EML4: variants seen among roughly 807,000 people sequenced by gnomAD.
EML4 encodes EMAP like 4.
EML4 carries 72 observed loss-of-function variants against 129.0 expected under a neutral mutation model. That is an observed-to-expected ratio of 0.56 (90% CI 0.46 to 0.68). The LOEUF is 0.68. Ranked by LOEUF, EML4 falls within the 30% of genes least tolerant of loss-of-function variation. The pLI, the probability that EML4 is intolerant of heterozygous loss-of-function variation, is 0.00. For synonymous variants in EML4, 532 were observed against 405.0 expected (o/e 1.31, Z -3.77); for missense variants, 1,363 against 1,190.6 (o/e 1.14, Z -2.13).
chr2:42,282,769 G>T (rs1393362911), intron 7 of EML4, 54 bp from the exon 8 acceptor site: 11 of 1,507,626 alleles, frequency 7.3e-6, no homozygotes, highest in East Asian at 4.5e-5. Context: ...TGAAAAATCT[G>T]TTAACAACTT....
At chr2:42,266,439 G>C (rs906001236) in intron 6 of EML4, among the ~76,000 whole-genome samples, 2 of 152,086 alleles carry the variant, frequency 1.3e-5, no homozygotes, top group Non-Finnish European at 2.9e-5. Context: ...TGGCCTCCTG[G>C]GCTCAAGCAG....
intron 3 of EML4, among the ~76,000 whole-genome samples, chr2:42,258,386 T>A (rs1179698903): frequency 7.4e-6 from 1 of 135,346 alleles, no homozygotes; most frequent in Non-Finnish European, 1.6e-5. Context: ...TTTTTTTATT[T>A]ATTTTTTAAG....
At position 42,178,087 on chromosome 2, in the gene EML4, C is replaced by T. The variant is rs559268242; in HGVS notation, c.25+8451C>T. ...TATGTCTTTGACAAGTTTTTAGAAT[C>T]TGAATATAATTAGAATATGTTTAAC... On this transcript the variant is annotated intron_variant, in intron 1 of 22. Coordinates refer to ENST00000318522, the MANE Select transcript of EML4 (RefSeq NM_019063.5). 2.6e-5 allele frequency among the ~76,000 whole-genome samples: 4 copies of T among 152,182 alleles called. No homozygotes were observed. In the South Asian group the frequency reaches 8.3e-4, roughly 32 times the overall value.
At chr2:42,174,945 T>C (rs185516170) in intron 1 of EML4, among the ~76,000 whole-genome samples, 71 of 150,462 alleles carry the variant, frequency 4.7e-4, no homozygotes, top group Non-Finnish European at 6.9e-4. Flanking sequence ...GCCTCCCTAG[T>C]AGCTGGGATT....
chr2:42,294,717 C>G (rs892676903), intron 11 of EML4, among the ~76,000 whole-genome samples: 13 of 151,616 alleles, frequency 8.6e-5, no homozygotes, highest in African/African-American at 2.9e-4. Context: ...AAAATTGTTG[C>G]GTGAATGAAT....
chr2:42,227,691 C>T (rs2104165900), intron 1 of EML4, among the ~76,000 whole-genome samples: 1 of 152,276 alleles, frequency 6.6e-6, no homozygotes, highest in East Asian at 1.9e-4. Context: ...CAACCCCGCC[C>T]CCTTCCTCCT....
intron 2 of EML4, 51 bp from the exon 3 acceptor site, chr2:42,256,450 T>G (rs1676155578): frequency 1.3e-6 from 2 of 1,534,948 alleles, no homozygotes; most frequent in African/African-American, 2.8e-5. Flanking sequence ...ATTTAGATCT[T>G]TAAGGAATAT....
chr2:42,227,702 CCTCTGCCTATGCAGCAT>C (rs1674061409), intron 1 of EML4, among the ~76,000 whole-genome samples: 1 of 152,216 alleles, frequency 6.6e-6, no homozygotes, highest in Non-Finnish European at 1.5e-5. Flanking sequence ...CCTTCCTCCT[CCTCTGCCTATGCAGCAT>C]GAAAACAGCA....
chr2:42,170,806 G>A (rs980981144), intron 1 of EML4, among the ~76,000 whole-genome samples: 3 of 152,174 alleles, frequency 2.0e-5, no homozygotes, highest in African/African-American at 4.8e-5. Flanking sequence ...TCTCTACTTG[G>A]TTAATGTTCA....
chr2:42,287,851 G>A (rs1018185532), intron 10 of EML4, among the ~76,000 whole-genome samples: 3 of 152,124 alleles, frequency 2.0e-5, no homozygotes, highest in African/African-American at 4.8e-5. Context: ...TTATGAAATT[G>A]TGTACATTTC....
rs548201330 is a variant in EML4 at position 42,185,494 on chromosome 2, A to C, written c.25+15858A>C. Among the ~76,000 whole-genome samples, 11 of 152,208 alleles carry C rather than the reference A, an allele frequency of 7.2e-5. No individual in the cohort carries two copies. In the South Asian group the frequency reaches 2.1e-3, roughly 29 times the overall value. On this transcript the variant is annotated intron_variant, in intron 1 of 22. Transcript: ENST00000318522. ...TTTTCAACCCTTGCTTAAGGTTGAA[A>C]CTTGTTCAGCCTTGGGTTAAGGTTG...
At chr2:42,304,042 C>T (rs1003904633) in intron 16 of EML4, among the ~76,000 whole-genome samples, 1 of 152,188 alleles carries the variant, frequency 6.6e-6, no homozygotes, top group Admixed American at 6.5e-5. Context: ...ATTATGGAAA[C>T]ATTTGTGCCT....
intron 19 of EML4, among the ~76,000 whole-genome samples, chr2:42,320,214 T>G (rs1669450077): frequency 6.9e-6 from 1 of 143,990 alleles, no homozygotes; most frequent in African/African-American, 2.9e-5. Context: ...GAAACAAGCT[T>G]ATTATTACTC....
At chr2:42,289,429 C>T (rs1667496446) in intron 11 of EML4, 1 of 152,084 alleles carries the variant, frequency 6.6e-6, no homozygotes. Flanking sequence ...TTTCTATCTG[C>T]TGAGTCCCGT....
chr2:42,244,067 T>TTTTTTTG (rs1260662184), intron 1 of EML4, among the ~76,000 whole-genome samples: 1 of 74,160 alleles, frequency 1.3e-5, no homozygotes, highest in Non-Finnish European at 3.8e-5. Context: ...CAATTAATGT[T>TTTTTTTG]TTTTTTGTTT....
chr2:42,187,221 T>A (rs185461419), intron 1 of EML4, among the ~76,000 whole-genome samples: 1,864 of 151,926 alleles, frequency 0.012, 15 homozygotes, highest in Middle Eastern at 0.031. Flanking sequence ...TTTTTTTTTT[T>A]AATTTTTTGT....
chr2:42,266,999 T>C (rs1371513881), intron 6 of EML4, among the ~76,000 whole-genome samples: 3 of 152,184 alleles, frequency 2.0e-5, no homozygotes, highest in Non-Finnish European at 4.4e-5. Context: ...TAGAGATGTA[T>C]AGCAAACAAT....
At chr2:42,250,669 C>G (rs1319603590) in intron 2 of EML4, among the ~76,000 whole-genome samples, 2 of 151,966 alleles carry the variant, frequency 1.3e-5, no homozygotes, top group East Asian at 1.9e-4. Context: ...TATGGCATAG[C>G]CCAGTGGTCA....
chr2:42,176,664 C>CACTT (rs567290503), intron 1 of EML4, among the ~76,000 whole-genome samples: 6 of 152,316 alleles, frequency 3.9e-5, no homozygotes, highest in African/African-American at 1.4e-4. Flanking sequence ...CTTCCGTGAA[C>CACTT]ACTTGATAGG....
Sources: gnomAD v4.1 joint callset for allele counts (sites outside exome capture counted in the v4.1 genomes callset) on GRCh38, gnomAD v4.1.1 for gene constraint, MANE v1.5 for transcripts, NCBI Gene and HGNC (gene_info 2026-07-23, HGNC 2026-07-21) for gene names.